CNTNAP2: variants seen among roughly 807,000 people sequenced by gnomAD.
The protein encoded by CNTNAP2 is contactin-associated protein-like 2.
A neutral mutation model predicts 155.2 loss-of-function variants in CNTNAP2; 98 were observed. The ratio of observed to expected loss-of-function variants is 0.63; its 90% CI spans 0.54 to 0.75. The LOEUF is 0.75. Among genes scored for constraint, CNTNAP2 ranks in the 30% least tolerant of loss-of-function variants. The pLI is 0.00. For synonymous variants in CNTNAP2, 651 were observed against 631.2 expected, an observed-to-expected ratio of 1.03 and a Z score of -0.47; for missense variants, 1,727 against 1,688.1, an observed-to-expected ratio of 1.02 and a Z score of -0.40.
chr7:146,693,958 T>A (rs1210196983), intron 1 of CNTNAP2, among the ~76,000 whole-genome samples: 1 of 151,874 alleles, frequency 6.6e-6, no homozygotes, highest in Non-Finnish European at 1.5e-5. Flanking sequence ...ATTGTTCAGC[T>A]CCTAATTTTA....
chr7:146,839,637 G>T (rs1803680494), intron 2 of CNTNAP2, 74 bp from the exon 3 acceptor site: 2 of 1,507,802 alleles, frequency 1.3e-6, no homozygotes, highest in African/African-American at 2.8e-5. Flanking sequence ...AAGATATGTA[G>T]AATATTCCAT....
intron 8 of CNTNAP2, among the ~76,000 whole-genome samples, chr7:147,171,695 C>T (rs987863475): frequency 1.3e-5 from 2 of 152,140 alleles, no homozygotes; most frequent in Non-Finnish European, 2.9e-5. Flanking sequence ...TCCAAATATA[C>T]ATGTGGTATA....
chr7:146,125,525 G>C (rs374714207), intron 1 of CNTNAP2, among the ~76,000 whole-genome samples: 1 of 140,226 alleles, frequency 7.1e-6, no homozygotes, highest in African/African-American at 2.7e-5. Flanking sequence ...GCAGTGAGCC[G>C]AGATCGCGCC....
At chr7:146,586,012 C>CAAT (rs2129148628) in intron 1 of CNTNAP2, among the ~76,000 whole-genome samples, 1 of 56,112 alleles carries the variant, frequency 1.8e-5, no homozygotes, top group South Asian at 9.3e-4. Context: ...CTCAAAAAAA[C>CAAT]AACAACAACA....
chr7:146,347,520 A>C (rs564959707), intron 1 of CNTNAP2, among the ~76,000 whole-genome samples: 53 of 152,200 alleles, frequency 3.5e-4, no homozygotes, highest in African/African-American at 1.2e-3. Context: ...TGCTTACAAT[A>C]AGTTATTTTT....
At chr7:147,063,191 C>G (rs866163493) in intron 4 of CNTNAP2, among the ~76,000 whole-genome samples, 1 of 152,164 alleles carries the variant, frequency 6.6e-6, no homozygotes, top group Non-Finnish European at 1.5e-5. Context: ...CCATGCTCTT[C>G]CACTATATTA....
intron 1 of CNTNAP2, among the ~76,000 whole-genome samples, chr7:146,288,419 T>C (rs1022604161): frequency 6.6e-6 from 1 of 152,188 alleles, no homozygotes; most frequent in Non-Finnish European, 1.5e-5. Flanking sequence ...ACAGCAGGTC[T>C]TCAAGTCTTT....
intron 1 of CNTNAP2, among the ~76,000 whole-genome samples, chr7:146,560,749 A>G (rs1436616079): frequency 3.9e-5 from 6 of 152,064 alleles, no homozygotes; most frequent in Non-Finnish European, 8.8e-5. Flanking sequence ...TCTTTTTCTA[A>G]CCAAGAAAAT....
Position 147,555,418 on chromosome 7 carries a change from G to C in CNTNAP2, c.1778-6720G>C, listed in dbSNP as rs1022576030. 2.6e-5 allele frequency among the ~76,000 whole-genome samples: 4 copies of C among 152,166 alleles called. No individual in the cohort carries two copies. In the South Asian group the frequency reaches 8.3e-4, roughly 32 times the overall value. ...TCTTATAACCTGGTCCCTACAGCAA[G>C]TATGTACAAGTATATAGTAAGCATG... is the stretch of plus-strand genomic sequence containing the variant. On this transcript the variant is annotated intron_variant, in intron 11 of 23. Transcript: ENST00000361727.
intron 1 of CNTNAP2, among the ~76,000 whole-genome samples, chr7:146,131,512 T>A (rs1321815705): frequency 6.6e-6 from 1 of 152,188 alleles, no homozygotes; most frequent in South Asian, 2.1e-4. Flanking sequence ...CATTTGTGAC[T>A]TCCTGGGTTC....
intron 13 of CNTNAP2, among the ~76,000 whole-genome samples, chr7:147,705,990 T>G (rs561396297): frequency 6.6e-6 from 1 of 152,206 alleles, no homozygotes; most frequent in African/African-American, 2.4e-5. Flanking sequence ...CATTTTTTTT[T>G]TGTCTTTTCA....
At chr7:146,235,183 T>C (rs1467655833) in intron 1 of CNTNAP2, among the ~76,000 whole-genome samples, 2 of 69,496 alleles carry the variant, frequency 2.9e-5, no homozygotes, top group South Asian at 5.6e-4. Flanking sequence ...AAGAACAAAA[T>C]GTAAAAATTA....
At chr7:147,098,450 T>A (rs2129276715) in intron 4 of CNTNAP2, among the ~76,000 whole-genome samples, 2 of 152,328 alleles carry the variant, frequency 1.3e-5, no homozygotes, top group Middle Eastern at 3.4e-3. Context: ...TTGTTTTTTG[T>A]TTGTTTTTTA....
chr7:146,652,850 G>C (rs1402050503), intron 1 of CNTNAP2, among the ~76,000 whole-genome samples: 1 of 152,110 alleles, frequency 6.6e-6, no homozygotes, highest in Non-Finnish European at 1.5e-5. Context: ...TATTTCATCA[G>C]CTTTGAAGAC....
chr7:146,126,997 G>A (rs926918188), intron 1 of CNTNAP2, among the ~76,000 whole-genome samples: 4 of 152,078 alleles, frequency 2.6e-5, no homozygotes. Flanking sequence ...ATCTATGCCA[G>A]AAATACTTTC....
At chr7:148,263,736 CAA>C (rs112362809) in intron 20 of CNTNAP2, among the ~76,000 whole-genome samples, 16 of 108,128 alleles carry the variant, frequency 1.5e-4, no homozygotes, top group Non-Finnish European at 1.0e-4. Context: ...GACTCAGTCC[CAA>C]AAAAAAAAAA....
At chr7:146,397,061 C>G (rs1372703064) in intron 1 of CNTNAP2, among the ~76,000 whole-genome samples, 1 of 152,032 alleles carries the variant, frequency 6.6e-6, no homozygotes. Context: ...TGTATTTGAC[C>G]TCCCTTATTT....
At chr7:147,882,364 C>A (rs937579588) in intron 13 of CNTNAP2, among the ~76,000 whole-genome samples, 3 of 152,152 alleles carry the variant, frequency 2.0e-5, no homozygotes, top group African/African-American at 7.2e-5. Context: ...CTGGAATATG[C>A]AGGATCTGTA....
intron 21 of CNTNAP2, among the ~76,000 whole-genome samples, chr7:148,300,547 C>T (rs1797365826): frequency 6.8e-6 from 1 of 147,724 alleles, no homozygotes; most frequent in South Asian, 2.2e-4. Context: ...ACTGAGTTTC[C>T]ACCCTGTGAG....
Sources: gnomAD v4.1 joint callset for allele counts (sites outside exome capture counted in the v4.1 genomes callset) on GRCh38, gnomAD v4.1.1 for gene constraint, MANE v1.5 for transcripts, NCBI Gene and HGNC (gene_info 2026-07-23, HGNC 2026-07-21) for gene names.